Variants in NCAPD3 observed in about 807,000 individuals in gnomAD.
NCAPD3 encodes the protein non-SMC condensin II complex subunit D3.
In NCAPD3, 105 loss-of-function variants were observed where a neutral mutation model predicts 182.9. The observed-to-expected ratio is 0.57, with a 90% CI of 0.49 to 0.68. The LOEUF is 0.68. Ranked by LOEUF, NCAPD3 falls within the 30% of genes least tolerant of loss-of-function variation. The pLI is 0.00. For missense variants in NCAPD3, 1,944 were observed against 1,837.0 expected (o/e 1.06, Z -1.07); for synonymous variants, 815 against 679.9 (o/e 1.20, Z -3.09).
Position 134,152,845 on chromosome 11 carries a change from C to G in NCAPD3, c.*99G>C. 4 of 970,930 alleles carry G rather than the reference C, an allele frequency of 4.1e-6. No individual in the cohort carries two copies. Among genetic ancestry groups the G allele is most frequent in the Non-Finnish European group, 6.2e-6 (4 of 643,918 alleles). The allele number at this position is 970,930 out of a possible 1,614,324, so 60.1% of individuals were successfully genotyped here. On this transcript the variant is annotated 3_prime_UTR_variant, in exon 35 of 35. Transcript: ENST00000534548. Reference sequence around the variant, plus strand: ...TCGTGTTCCACAGCAAAGCGCTGCCCAAGGACTGCGGGAAGTGATCCAGCT... The same window carrying G: ...TCGTGTTCCACAGCAAAGCGCTGCCGAAGGACTGCGGGAAGTGATCCAGCT...
At chr11:134,207,474 G>A (rs1444368190) in intron 7 of NCAPD3, among the ~76,000 whole-genome samples, 3 of 152,026 alleles carry the variant, frequency 2.0e-5, no homozygotes, top group Admixed American at 6.6e-5. Flanking sequence ...CCGACTGGGC[G>A]CAGTGGCTCA....
chr11:134,168,414 A>G (rs1943921390), intron 26 of NCAPD3, 55 bp downstream of exon 26: 1 of 1,607,472 alleles, frequency 6.2e-7, no homozygotes, highest in Non-Finnish European at 8.5e-7. Context: ...GCCATTATCA[A>G]CACAGCATTT....
In NCAPD3 at chr11:134,153,208, G is replaced by A. The variant is rs181143706; in HGVS notation, c.4328-8C>T. 1.5e-4 allele frequency: 249 copies of A among 1,614,054 alleles called. 1 individual carries two copies. Among genetic ancestry groups the A allele is most frequent in the Non-Finnish European group, 1.2e-4 (140 of 1,179,920 alleles). On this transcript the variant is annotated splice_polypyrimidine_tract_variant and splice_region_variant and intron_variant, in intron 33 of 34. Coordinates refer to ENST00000534548, the MANE Select transcript of NCAPD3 (RefSeq NM_015261.3). ...TCCGGCCTTCAATTTTCTCTAAAAG[G>A]GAGTCAAACAAACACATTCAGCTTT... is the stretch of plus-strand genomic sequence containing the variant.
chr11:134,157,856 A>G (rs891817840), intron 31 of NCAPD3, 72 bp downstream of exon 31: 7 of 1,468,350 alleles, frequency 4.8e-6, no homozygotes, highest in African/African-American at 1.4e-5. Flanking sequence ...TTTGAAAGGA[A>G]TAAGAAGTAG....
At chr11:134,223,604 G>A (rs1938329353) in intron 1 of NCAPD3, 1 of 664,790 alleles carries the variant, frequency 1.5e-6, no homozygotes. Context: ...GGGGAAGGCC[G>A]AGAAAACAGA....
At chr11:134,161,086 C>T (rs1045379851) in intron 28 of NCAPD3, among the ~76,000 whole-genome samples, 1 of 151,752 alleles carries the variant, frequency 6.6e-6, no homozygotes, top group Admixed American at 6.6e-5. Context: ...AATTTATATT[C>T]AATGTAATTT....
At chr11:134,198,181 G>A (rs954618672) in intron 13 of NCAPD3, among the ~76,000 whole-genome samples, 36 of 152,108 alleles carry the variant, frequency 2.4e-4, no homozygotes, top group African/African-American at 8.4e-4. Flanking sequence ...CATCAACACA[G>A]TCTTTAAGTC....
At chr11:134,223,183 G>A in intron 1 of NCAPD3, 2 of 546,456 alleles carry the variant, frequency 3.7e-6, no homozygotes, top group Non-Finnish European at 6.6e-6. Flanking sequence ...TCAAAGCTGT[G>A]TTTTCAAAAG....
intron 27 of NCAPD3, among the ~76,000 whole-genome samples, chr11:134,165,974 CA>C (rs1943777453): frequency 5.1e-5 from 5 of 98,830 alleles, no homozygotes; most frequent in East Asian, 7.0e-4. Context: ...GGGGCACACT[CA>C]GTGAGATGAG....
rs540122880 is a variant in NCAPD3, at chr11:134,152,451, T to C, written c.*493A>G. The C allele has an allele frequency of 2.6e-5, 4 of 152,506 alleles. No homozygotes were observed. In the East Asian group the frequency reaches 7.7e-4, roughly 29 times the overall value. The allele number at this position is 152,506 out of a possible 1,614,324, so 9.4% of individuals were successfully genotyped here. On this transcript the variant is annotated 3_prime_UTR_variant, in exon 35 of 35. Coordinates refer to ENST00000534548, the MANE Select transcript of NCAPD3 (RefSeq NM_015261.3). ...CTATTGACTACTGGAAGGCTGTATTTATGCTAAACCTTTATTACTTTTAGA... is the reference window on the plus strand; with the variant it reads ...CTATTGACTACTGGAAGGCTGTATTCATGCTAAACCTTTATTACTTTTAGA...
chr11:134,179,905 T>TA (rs958752581), intron 20 of NCAPD3, among the ~76,000 whole-genome samples: 54 of 152,154 alleles, frequency 3.5e-4, no homozygotes, highest in African/African-American at 1.0e-3. Context: ...ATCTCTTCAT[T>TA]AAAAAAATAT....
chr11:134,202,706 G>A, intron 13 of NCAPD3, 110 bp downstream of exon 13: 1 of 798,408 alleles, frequency 1.3e-6, no homozygotes, highest in Non-Finnish European at 2.0e-6. Context: ...TCAACTCTTA[G>A]GGGTGAATAA....
chr11:134,194,384 T>A (rs1040473867), intron 14 of NCAPD3, among the ~76,000 whole-genome samples: 3 of 152,152 alleles, frequency 2.0e-5, no homozygotes. Context: ...TATGAACCTA[T>A]TAAAATCCAC....
chr11:134,178,284 A>G (rs1305378013), intron 22 of NCAPD3, among the ~76,000 whole-genome samples: 3 of 152,250 alleles, frequency 2.0e-5, no homozygotes, highest in Non-Finnish European at 4.4e-5. Context: ...CATTATGAAT[A>G]TTAAAATATT....
Position 134,181,142 on chromosome 11 carries a change from C to T in NCAPD3, c.2494G>A (p.Glu832Lys), listed in dbSNP as rs780908911. 1.0e-4 allele frequency: 164 copies of T among 1,613,966 alleles called. No homozygotes were observed. The highest frequency in any genetic ancestry group is 1.3e-4 in the Non-Finnish European group (156 of 1,180,012). ...QVCGDVLSTC[E>K]HRLSNIVLKE... ...AGAACGATGTTGGAGAGGCGGTGCT[C>T]GCAGGTGGAGAGTACATCCCCACAC... The change falls in exon 20 of 35, where the codon GAG (glutamate) becomes AAG (lysine). Residue 832 changes from glutamate (E) to lysine (K), a missense_variant. Around this residue, in one of 3 missense-constraint regions of NCAPD3, gnomAD observed 1,803 missense variants for 1,674.6 expected, o/e 1.08. Transcript: ENST00000534548.
chr11:134,224,523 C>G (rs1449750917), upstream of NCAPD3: 2 of 152,716 alleles, frequency 1.3e-5, no homozygotes, highest in African/African-American at 4.8e-5. Context: ...GCCATGCCGA[C>G]CGCTGGAGCG....
rs1481833703 is a variant in NCAPD3, at chr11:134,192,894, C to G, written c.1840G>C (p.Val614Leu). The change falls in exon 16 of 35, where the codon GTG becomes CTG. Residue 614 changes from valine (V) to leucine (L), a missense_variant. Coordinates refer to ENST00000534548, the MANE Select transcript of NCAPD3 (RefSeq NM_015261.3). ...TELLMAQPRCVQIQKAWLRGV... is the reference protein window; with the variant it reads ...TELLMAQPRCLQIQKAWLRGV... ...CGCAACCAGGCTTTCTGGATCTGCA[C>G]GCATCTAGGCTGAGCCTTAGGAGTG... The G allele has an allele frequency of 1.2e-6, 2 of 1,606,788 alleles. No individual in the cohort carries two copies. Among genetic ancestry groups the G allele is most frequent in the Non-Finnish European group, 8.5e-7 (1 of 1,173,456 alleles).
rs1396390728 is a variant in NCAPD3, at chr11:134,161,898, A to C, written c.3574-7T>G. On this transcript the variant is annotated splice_polypyrimidine_tract_variant and splice_region_variant and intron_variant, in intron 27 of 34. Coordinates refer to ENST00000534548, the MANE Select transcript of NCAPD3 (RefSeq NM_015261.3). Reference sequence around the variant, plus strand: ...TGAAATTCCTCTTCTGAACCTGGTAACACAAACAAAGACATGTTTTAGATG... The same window carrying C: ...TGAAATTCCTCTTCTGAACCTGGTACCACAAACAAAGACATGTTTTAGATG... The C allele has an allele frequency of 7.0e-7, 1 of 1,420,034 alleles. No individual in the cohort carries two copies. The highest frequency in any genetic ancestry group is 2.3e-5 in the East Asian group (1 of 43,508). 88.0% of individuals were successfully genotyped at this position (1,420,034 alleles called of 1,614,324 possible). A position where few individuals can be genotyped will look rare whatever the true frequency, so the allele number is the denominator to read the frequency against.
Position 134,153,443 on chromosome 11 carries a change from G to C in NCAPD3, c.4253-80C>G, listed in dbSNP as rs939884740. 1.3e-5 allele frequency: 19 copies of C among 1,420,438 alleles called. No individual in the cohort carries two copies. In the African/African-American group the frequency reaches 2.1e-4, roughly 16 times the overall value. 88.0% of individuals were successfully genotyped at this position (1,420,438 alleles called of 1,614,324 possible). On this transcript the variant is annotated intron_variant, in intron 32 of 34. Transcript: ENST00000534548. Reference sequence around the variant, plus strand: ...CTGTTCTAGTTGTCCGTGGGACGTAGGCAGGGTGTCCACATCAGTGTCCCA... The same window carrying C: ...CTGTTCTAGTTGTCCGTGGGACGTACGCAGGGTGTCCACATCAGTGTCCCA...
Sources: allele counts gnomAD v4.1 joint callset (sites outside exome capture counted in the v4.1 genomes callset), GRCh38; gene constraint gnomAD v4.1.1; regional missense constraint gnomAD v4.1.1; transcripts MANE v1.5; gene names NCBI Gene and HGNC (gene_info 2026-07-23, HGNC 2026-07-21).